AADACL4: variants seen among roughly 807,000 people sequenced by gnomAD.
AADACL4 encodes the protein arylacetamide deacetylase like 4.
In AADACL4, 9 loss-of-function variants were observed where a neutral mutation model predicts 14.1. The observed-to-expected ratio is 0.64, with a 90% CI of 0.39 to 1.12. The LOEUF (loss-of-function observed/expected upper bound fraction) is 1.12, where lower values mean the gene tolerates loss of function less well. AADACL4 is among the 50% of genes most tolerant of loss of function. The probability of loss-of-function intolerance (pLI) is 0.01; values close to 1 mark genes in which losing one functional copy is unlikely to be tolerated. For missense variants in AADACL4, 531 were observed against 516.1 expected (o/e 1.03, Z -0.28); for synonymous variants, 188 against 201.6 (o/e 0.93, Z 0.57).
rs769034497 is a variant in AADACL4, at chr1:12,644,582, G to A, written c.36G>A (p.Leu12=). Residue 12 remains leucine (L), a synonymous_variant, in exon 1 of 4, where the codon TTG becomes TTA. Transcript: ENST00000376221. The part of the protein sequence containing the change: ...AVPWLVLLLA[L]PIFFLGVFVW... ...CCTGGCTAGTGCTACTCTTGGCATT[G>A]CCCATCTTTTTCCTGGGGGTCTTTG... 2 of 1,614,140 alleles carry A rather than the reference G, an allele frequency of 1.2e-6. No homozygotes were observed. Among genetic ancestry groups the A allele is most frequent in the South Asian group, 1.1e-5 (1 of 91,084 alleles).
chr1:12,659,634 C>T (rs532825528), intron 2 of AADACL4, among the ~76,000 whole-genome samples: 1 of 152,084 alleles, frequency 6.6e-6, no homozygotes, highest in Non-Finnish European at 1.5e-5. Flanking sequence ...AAAATAGAAG[C>T]CTGTTTATAT....
rs759046410 is a variant in AADACL4 at position 12,644,725 on chromosome 1, T to C, written c.168+11T>C. 4.3e-6 allele frequency: 7 copies of C among 1,613,160 alleles called. No homozygotes were observed. The highest frequency in any genetic ancestry group is 5.1e-6 in the Non-Finnish European group (6 of 1,179,422). On this transcript the variant is annotated intron_variant, in intron 1 of 3. Coordinates refer to ENST00000376221, the MANE Select transcript of AADACL4 (RefSeq NM_001013630.2). ...TACCTGGTCACTTTGGTGAGTTTAC[T>C]CTCAGGCCACGTCGTAACCTGGGGG...
intron 2 of AADACL4, among the ~76,000 whole-genome samples, chr1:12,656,876 T>TA (rs1647181058): frequency 6.6e-6 from 1 of 151,986 alleles, no homozygotes; most frequent in Non-Finnish European, 1.5e-5. Context: ...CATGGTAGCT[T>TA]ATGCTTGGAA....
At chr1:12,653,324 A>T (rs754180130) in intron 2 of AADACL4, among the ~76,000 whole-genome samples, 41 of 152,270 alleles carry the variant, frequency 2.7e-4, no homozygotes, top group Non-Finnish European at 4.7e-4. Flanking sequence ...CATAAACTTT[A>T]CAAAGAGATT....
chr1:12,661,888 G>A, intron 3 of AADACL4, 34 bp downstream of exon 3: 1 of 1,603,402 alleles, frequency 6.2e-7, no homozygotes, highest in Non-Finnish European at 8.5e-7. Context: ...AGGTTCCACA[G>A]GGGTGAGAGG....
Position 12,644,236 on chromosome 1 carries a change from C to A in AADACL4, c.-311C>A, listed in dbSNP as rs183845855. 6.6e-6 allele frequency among the ~76,000 whole-genome samples: 1 copy of A among 152,152 alleles called. No individual in the cohort carries two copies. Among genetic ancestry groups the A allele is most frequent in the Non-Finnish European group, 1.5e-5 (1 of 68,014 alleles). On this transcript the variant is annotated 5_prime_UTR_variant, in exon 1 of 4. Coordinates refer to ENST00000376221, the MANE Select transcript of AADACL4 (RefSeq NM_001013630.2). ...ATATGAGATCTCTTTCTAGGGTTCC[C>A]AGGAGCCGAGGTGCCCATCTGAGCC...
chr1:12,661,824 G>T lies in AADACL4; in HGVS notation c.419G>T (p.Arg140Leu). 1 of 1,614,150 alleles carries T rather than the reference G, an allele frequency of 6.2e-7. No homozygotes were observed. Among genetic ancestry groups the T allele is most frequent in the Non-Finnish European group, 8.5e-7 (1 of 1,180,030 alleles). Residue 140 changes from arginine to leucine, a missense_variant, in exon 3 of 4, where the codon CGG (arginine) becomes CTG (leucine). Transcript: ENST00000376221. ...CYHGLCNYLARETESVLLMIG... is the reference protein window; with the variant it reads ...CYHGLCNYLALETESVLLMIG... ...CATGGCCTGTGCAATTATCTGGCCC[G>T]GGAGACTGAATCTGTACTTCTGATG...
chr1:12,660,510 G>C (rs1253780461), intron 2 of AADACL4, among the ~76,000 whole-genome samples: 1 of 152,100 alleles, frequency 6.6e-6, no homozygotes, highest in African/African-American at 2.4e-5. Flanking sequence ...GGTTACATCG[G>C]GAAGATGACA....
At chr1:12,646,539 C>T (rs2100756105) in intron 1 of AADACL4, among the ~76,000 whole-genome samples, 1 of 152,192 alleles carries the variant, frequency 6.6e-6, no homozygotes, top group East Asian at 1.9e-4. Flanking sequence ...AGAATGCAAT[C>T]AGCCTGGAAT....
rs182268608 is a variant in AADACL4 at position 12,658,156 on chromosome 1, C to A, written c.386-3635C>A. 5.6e-3 allele frequency among the ~76,000 whole-genome samples: 747 copies of A among 133,176 alleles called. 13 individuals carry two copies. The highest frequency in any genetic ancestry group is 7.9e-3 in the Non-Finnish European group (517 of 65,774). The allele number at this position is 133,176 out of a possible 152,430, so 87.4% of individuals were successfully genotyped here. On this transcript the variant is annotated intron_variant, in intron 2 of 3. Coordinates refer to ENST00000376221, the MANE Select transcript of AADACL4 (RefSeq NM_001013630.2). ...CCTTCCTTCCTTTCTTTCTTTCTTT[C>A]TTTCTTTCTTTTTCTCTTTCTCTCT...
chr1:12,653,005 AT>A lies in AADACL4; in HGVS notation c.385+1674del, dbSNP rs1259434785. On this transcript the variant is annotated intron_variant, in intron 2 of 3. Transcript: ENST00000376221. ...GACCACCCTGTGTAATTCCTATCTC[AT>A]TTTTTTTCCCTCAGAGATTTCCATC... Among the ~76,000 whole-genome samples the A allele has an allele frequency of 3.3e-5, 5 of 151,724 alleles. No individual in the cohort carries two copies. The East Asian group carries it at 5.8e-4, about 18-fold the overall frequency.
intron 2 of AADACL4, among the ~76,000 whole-genome samples, chr1:12,651,791 G>A (rs892860375): frequency 7.4e-5 from 11 of 149,378 alleles, no homozygotes; most frequent in African/African-American, 2.7e-4. Flanking sequence ...TTCACCTCTC[G>A]CCCCTCATAT....
At chr1:12,651,769 G>A (rs757258402) in intron 2 of AADACL4, among the ~76,000 whole-genome samples, 8 of 151,440 alleles carry the variant, frequency 5.3e-5, no homozygotes, top group Non-Finnish European at 7.4e-5. Context: ...TCCCAGCCAC[G>A]GGTCTCCCTG....
In AADACL4 at chr1:12,666,774, G is replaced by A; in HGVS notation, c.*39G>A. 2.0e-6 allele frequency: 3 copies of A among 1,537,314 alleles called. No homozygotes were observed. On this transcript the variant is annotated 3_prime_UTR_variant, in exon 4 of 4. Coordinates refer to ENST00000376221, the MANE Select transcript of AADACL4 (RefSeq NM_001013630.2). Reference sequence around the variant, plus strand: ...GCCCCGAGGAGGAAGGGGCAAGTATGGACTCTACCAGAAACCGGGTGCTTT... The same window carrying A: ...GCCCCGAGGAGGAAGGGGCAAGTATAGACTCTACCAGAAACCGGGTGCTTT...
intron 1 of AADACL4, among the ~76,000 whole-genome samples, chr1:12,648,174 G>T (rs922732691): frequency 1.3e-5 from 2 of 151,448 alleles, no homozygotes; most frequent in Admixed American, 1.3e-4. Flanking sequence ...GTTTCACCAT[G>T]TTAGCCAGGA....
At chr1:12,656,554 T>A (rs1480078512) in intron 2 of AADACL4, among the ~76,000 whole-genome samples, 1 of 152,144 alleles carries the variant, frequency 6.6e-6, no homozygotes, top group Admixed American at 6.6e-5. Flanking sequence ...GAACAGTATC[T>A]AAGGGGCCTA....
chr1:12,648,685 G>C (rs1647127597), intron 1 of AADACL4, among the ~76,000 whole-genome samples: 1 of 151,648 alleles, frequency 6.6e-6, no homozygotes, highest in Non-Finnish European at 1.5e-5. Context: ...TTACAGGCGT[G>C]AGCCACCACT....
Position 12,652,767 on chromosome 1 carries a change from G to A in AADACL4, c.385+1428G>A, listed in dbSNP as rs542897811. Among the ~76,000 whole-genome samples, 30 of 152,244 alleles carry A rather than the reference G, an allele frequency of 2.0e-4. 1 individual carries two copies. The South Asian group carries it at 4.6e-3, about 23-fold the overall frequency. ...ATGGTGTCCCCATAACTGTCCTGTC[G>A]CTGGTGGGTGTGTGTTTAACATGTT... On this transcript the variant is annotated intron_variant, in intron 2 of 3. Coordinates refer to ENST00000376221, the MANE Select transcript of AADACL4 (RefSeq NM_001013630.2).
rs777601178 is a variant in AADACL4, at chr1:12,651,355, G to A, written c.385+16G>A. The A allele has an allele frequency of 6.2e-7, 1 of 1,613,328 alleles. No homozygotes were observed. The highest frequency in any genetic ancestry group is 1.1e-5 in the South Asian group (1 of 91,022). Reference sequence around the variant, plus strand: ...GGGAGCCTGGGTAAGGGGCTTCCCTGTGGCTTTGTAGAGGAAGGGCCTCAT... The same window carrying A: ...GGGAGCCTGGGTAAGGGGCTTCCCTATGGCTTTGTAGAGGAAGGGCCTCAT... On this transcript the variant is annotated intron_variant, in intron 2 of 3. Coordinates refer to ENST00000376221, the MANE Select transcript of AADACL4 (RefSeq NM_001013630.2).
Sources: gnomAD v4.1 joint callset for allele counts (sites outside exome capture counted in the v4.1 genomes callset) on GRCh38, gnomAD v4.1.1 for gene constraint, MANE v1.5 for transcripts, NCBI Gene and HGNC (gene_info 2026-07-23, HGNC 2026-07-21) for gene names.